The following DPYD variants were observed in gnomAD, a reference collection of about 807,000 sequenced individuals.
DPYD encodes dihydropyrimidine dehydrogenase [NADP(+)].
DPYD carries 109 observed loss-of-function variants against 116.2 expected under a neutral mutation model. The ratio of observed to expected loss-of-function variants is 0.94; its 90% CI spans 0.80 to 1.10. The LOEUF is 1.10. Among genes scored for constraint, DPYD ranks in the 50% least tolerant of loss-of-function variants. The probability of loss-of-function intolerance (pLI) is 0.00; values close to 1 mark genes in which losing one functional copy is unlikely to be tolerated. For missense variants in DPYD, 1,302 were observed against 1,254.5 expected, an observed-to-expected ratio of 1.04 and a Z score of -0.57; for synonymous variants, 440 against 432.0, an observed-to-expected ratio of 1.02 and a Z score of -0.23.
chr1:97,715,549 T>C (rs1457106822), intron 5 of DPYD, among the ~76,000 whole-genome samples: 2 of 152,118 alleles, frequency 1.3e-5, no homozygotes, highest in Admixed American at 6.6e-5. Flanking sequence ...TAGTGGGCTC[T>C]TACTACACTG....
intron 16 of DPYD, among the ~76,000 whole-genome samples, chr1:97,359,602 GT>G (rs1330249585): frequency 6.6e-6 from 1 of 152,224 alleles, no homozygotes; most frequent in Non-Finnish European, 1.5e-5. Flanking sequence ...CAGACTAACA[GT>G]GGATCTCTCA....
intron 4 of DPYD, among the ~76,000 whole-genome samples, chr1:97,738,016 A>G (rs1303129315): frequency 6.6e-6 from 1 of 152,180 alleles, no homozygotes; most frequent in African/African-American, 2.4e-5. Context: ...ATCTGATTAC[A>G]CAGATTTTAT....
At chr1:97,731,813 T>G (rs1663628398) in intron 4 of DPYD, among the ~76,000 whole-genome samples, 1 of 152,020 alleles carries the variant, frequency 6.6e-6, no homozygotes. Context: ...CAGATTTTTC[T>G]TGTCTTAATA....
At chr1:97,397,332 G>A (rs1042314832) in intron 14 of DPYD, among the ~76,000 whole-genome samples, 1 of 151,992 alleles carries the variant, frequency 6.6e-6, no homozygotes, top group African/African-American at 2.4e-5. Context: ...TATATGGTAT[G>A]TCTTATATGT....
intron 8 of DPYD, among the ~76,000 whole-genome samples, chr1:97,605,485 C>T (rs909495063): frequency 1.3e-5 from 2 of 152,020 alleles, no homozygotes; most frequent in African/African-American, 4.8e-5. Flanking sequence ...GAGTAAGGTG[C>T]TTGCTTCTCC....
At chr1:97,481,939 G>T (rs866292712) in intron 13 of DPYD, among the ~76,000 whole-genome samples, 2 of 152,182 alleles carry the variant, frequency 1.3e-5, no homozygotes, top group Middle Eastern at 3.4e-3. Context: ...TCTAGAGAAG[G>T]ATATAATGCA....
Position 97,078,911 on chromosome 1 carries a change from T to A in DPYD, c.*65A>T. ...TGGAAAGAGCTGAACACAAGGATCATGATTTTAAAAGATCAGCATATGTAG... is the reference window on the plus strand; with the variant it reads ...TGGAAAGAGCTGAACACAAGGATCAAGATTTTAAAAGATCAGCATATGTAG... On this transcript the variant is annotated 3_prime_UTR_variant, in exon 23 of 23. Transcript: ENST00000370192. 1 of 1,559,474 alleles carries A rather than the reference T, an allele frequency of 6.4e-7. No individual in the cohort carries two copies. Among genetic ancestry groups the A allele is most frequent in the South Asian group, 1.1e-5 (1 of 89,898 alleles).
chr1:97,227,902 T>C (rs555903155), intron 19 of DPYD, among the ~76,000 whole-genome samples: 21 of 152,032 alleles, frequency 1.4e-4, no homozygotes, highest in Non-Finnish European at 2.8e-4. Flanking sequence ...TTACATTTAA[T>C]TCCTCAATTA....
intron 8 of DPYD, among the ~76,000 whole-genome samples, chr1:97,631,888 T>C (rs1449739073): frequency 6.6e-6 from 1 of 152,044 alleles, no homozygotes; most frequent in Non-Finnish European, 1.5e-5. Flanking sequence ...GACACAGTTA[T>C]AGTTTTTAAA....
chr1:97,174,764 T>C (rs1461526639), intron 20 of DPYD, among the ~76,000 whole-genome samples: 2 of 152,166 alleles, frequency 1.3e-5, no homozygotes, highest in Non-Finnish European at 2.9e-5. Flanking sequence ...CTTAAAAAAA[T>C]TAACAATGTA....
intron 20 of DPYD, among the ~76,000 whole-genome samples, chr1:97,163,832 C>T (rs1656108082): frequency 6.6e-6 from 1 of 152,164 alleles, no homozygotes; most frequent in South Asian, 2.1e-4. Context: ...ATCAGTTTTA[C>T]AGGGGATGTG....
intron 8 of DPYD, among the ~76,000 whole-genome samples, chr1:97,620,587 A>T (rs1656576132): frequency 6.6e-6 from 1 of 152,218 alleles, no homozygotes; most frequent in African/African-American, 2.4e-5. Flanking sequence ...TTAACTTTTT[A>T]AACATAGTTG....
intron 18 of DPYD, among the ~76,000 whole-genome samples, chr1:97,287,416 G>T (rs1413838302): frequency 6.6e-6 from 1 of 152,164 alleles, no homozygotes; most frequent in Non-Finnish European, 1.5e-5. Flanking sequence ...CCCCTTCTCA[G>T]ATCTCCAGCT....
At chr1:97,666,915 T>C (rs1020131151) in intron 8 of DPYD, among the ~76,000 whole-genome samples, 8 of 152,246 alleles carry the variant, frequency 5.3e-5, no homozygotes, top group African/African-American at 1.7e-4. Flanking sequence ...TAAAATGTTT[T>C]TTCTTAAAAC....
chr1:97,440,915 T>C (rs1675756951), intron 14 of DPYD, among the ~76,000 whole-genome samples: 1 of 152,194 alleles, frequency 6.6e-6, no homozygotes, highest in African/African-American at 2.4e-5. Context: ...AAATTATTTA[T>C]TTCACTTATA....
intron 3 of DPYD, among the ~76,000 whole-genome samples, chr1:97,771,444 G>A (rs1382689729): frequency 1.3e-5 from 2 of 152,028 alleles, no homozygotes; most frequent in Non-Finnish European, 2.9e-5. Flanking sequence ...ATGCATATAT[G>A]TGCACAAAAA....
At chr1:97,228,801 A>G (rs187501363) in intron 19 of DPYD, among the ~76,000 whole-genome samples, 1 of 152,262 alleles carries the variant, frequency 6.6e-6, no homozygotes, top group Non-Finnish European at 1.5e-5. Context: ...CGGTTGGGCA[A>G]TGAGAGGCAA....
intron 8 of DPYD, among the ~76,000 whole-genome samples, chr1:97,639,261 G>GTA (rs528590524): frequency 5.5e-4 from 83 of 152,062 alleles, no homozygotes; most frequent in African/African-American, 1.9e-3. Flanking sequence ...TAGATGATTG[G>GTA]TATATATATG....
chr1:97,256,966 A>C (rs189660290), intron 18 of DPYD, among the ~76,000 whole-genome samples: 4 of 152,220 alleles, frequency 2.6e-5, no homozygotes, highest in African/African-American at 9.6e-5. Flanking sequence ...TTCCCACTTC[A>C]CACTACGCAA....
Sources: allele counts gnomAD v4.1 joint callset (sites outside exome capture counted in the v4.1 genomes callset), GRCh38; gene constraint gnomAD v4.1.1; transcripts MANE v1.5; gene names NCBI Gene and HGNC (gene_info 2026-07-23, HGNC 2026-07-21).